NCKAP5: variants seen among roughly 807,000 people sequenced by gnomAD.
The protein encoded by NCKAP5 is NCK associated protein 5.
NCKAP5 carries 92 observed loss-of-function variants against 167.0 expected under a neutral mutation model. That is an observed-to-expected ratio of 0.55 (90% CI 0.47 to 0.66). NCKAP5 has a LOEUF of 0.66. NCKAP5 is among the 30% of genes least tolerant of loss of function. The probability of loss-of-function intolerance (pLI) is 0.00; values close to 1 mark genes in which losing one functional copy is unlikely to be tolerated. For missense variants in NCKAP5, 2,378 were observed against 2,315.0 expected (o/e 1.03, Z -0.56); for synonymous variants, 891 against 877.4 (o/e 1.02, Z -0.27).
intron 4 of NCKAP5, among the ~76,000 whole-genome samples, chr2:133,262,805 A>G (rs1375364876): frequency 6.6e-6 from 1 of 152,196 alleles, no homozygotes; most frequent in Non-Finnish European, 1.5e-5. Flanking sequence ...AGTTCCACAT[A>G]AAAAGCAGGA....
chr2:133,150,446 AC>A (rs1003555116), intron 5 of NCKAP5, among the ~76,000 whole-genome samples: 2 of 152,052 alleles, frequency 1.3e-5, no homozygotes, highest in African/African-American at 4.8e-5. Context: ...AGTGTTCTTT[AC>A]CTCCAGGATT....
chr2:133,009,369 C>T (rs943891461), intron 6 of NCKAP5, among the ~76,000 whole-genome samples: 1 of 152,074 alleles, frequency 6.6e-6, no homozygotes, highest in Non-Finnish European at 1.5e-5. Context: ...CCACATCGCA[C>T]AGTTGGTTAA....
chr2:133,478,527 G>A (rs112024160), intron 3 of NCKAP5, among the ~76,000 whole-genome samples: 3 of 152,090 alleles, frequency 2.0e-5, no homozygotes, highest in Non-Finnish European at 2.9e-5. Flanking sequence ...CTGACACCTC[G>A]ATAGGCAGGG....
At chr2:133,024,959 A>G (rs2078645853) in intron 6 of NCKAP5, among the ~76,000 whole-genome samples, 1 of 152,238 alleles carries the variant, frequency 6.6e-6, no homozygotes, top group Admixed American at 6.5e-5. Flanking sequence ...TATAGAAAAT[A>G]TGATGATGGA....
At chr2:133,257,084 A>T (rs914737566) in intron 4 of NCKAP5, among the ~76,000 whole-genome samples, 2 of 152,178 alleles carry the variant, frequency 1.3e-5, no homozygotes, top group African/African-American at 4.8e-5. Flanking sequence ...ATCAATACGA[A>T]CTTTTTCAGC....
chr2:133,296,350 C>A (rs1037404474), intron 4 of NCKAP5, among the ~76,000 whole-genome samples: 1 of 152,044 alleles, frequency 6.6e-6, no homozygotes, highest in African/African-American at 2.4e-5. Flanking sequence ...TCCCCACCCC[C>A]ACCGCCAAAC....
chr2:133,511,398 G>A (rs932542301), intron 3 of NCKAP5, among the ~76,000 whole-genome samples: 8 of 152,144 alleles, frequency 5.3e-5, no homozygotes, highest in Non-Finnish European at 8.8e-5. Context: ...TGGAGAACAG[G>A]TGGGCAGGGC....
chr2:132,979,929 G>C (rs1369559250), intron 7 of NCKAP5, among the ~76,000 whole-genome samples: 1 of 151,716 alleles, frequency 6.6e-6, no homozygotes, highest in Non-Finnish European at 1.5e-5. Context: ...CTTTCACATA[G>C]TGAGCAAGAA....
chr2:133,254,178 T>C (rs1238369770), intron 4 of NCKAP5, among the ~76,000 whole-genome samples: 1 of 152,164 alleles, frequency 6.6e-6, no homozygotes, highest in Admixed American at 6.5e-5. Flanking sequence ...CATGCTGTGA[T>C]CTATAGAACA....
intron 17 of NCKAP5, among the ~76,000 whole-genome samples, chr2:132,730,393 G>A (rs1558980984): frequency 6.6e-6 from 1 of 152,196 alleles, no homozygotes; most frequent in African/African-American, 2.4e-5. Context: ...TACTCAGGAG[G>A]CTGAGGCAAG....
intron 5 of NCKAP5, among the ~76,000 whole-genome samples, chr2:133,199,119 TG>T (rs544889802): frequency 1.6e-3 from 242 of 152,064 alleles, no homozygotes; most frequent in Non-Finnish European, 2.2e-3. Context: ...CAACAGATCA[TG>T]GACCTAAAAC....
At chr2:133,157,241 T>C (rs1366506619) in intron 5 of NCKAP5, among the ~76,000 whole-genome samples, 1 of 152,190 alleles carries the variant, frequency 6.6e-6, no homozygotes, top group Non-Finnish European at 1.5e-5. Flanking sequence ...CATCAAATGG[T>C]GGTCTACTTT....
intron 2 of NCKAP5, among the ~76,000 whole-genome samples, chr2:133,555,222 T>C (rs1271618050): frequency 6.6e-6 from 1 of 152,178 alleles, no homozygotes; most frequent in Non-Finnish European, 1.5e-5. Context: ...CCGACTAACA[T>C]ATTATCTCTT....
Position 132,777,852 on chromosome 2 carries a change from A to AT in NCKAP5, c.5049+3199dup, listed in dbSNP as rs200347561. Among the ~76,000 whole-genome samples the AT allele has an allele frequency of 1.6e-4, 24 of 149,520 alleles. No homozygotes were observed. The South Asian group carries it at 1.7e-3, about 11-fold the overall frequency. On this transcript the variant is annotated intron_variant, in intron 15 of 19. Transcript: ENST00000409261. ...TGATGCTTTTTTATTAGCAGACATG[A>AT]TTTTTTTTTTAGACTATGTGACACT...
chr2:132,862,048 A>C (rs1157569678), intron 10 of NCKAP5, among the ~76,000 whole-genome samples: 2 of 152,196 alleles, frequency 1.3e-5, no homozygotes, highest in Non-Finnish European at 2.9e-5. Flanking sequence ...CAACACTTCT[A>C]CTTCAAAGAT....
the NCKAP5 span, among the ~76,000 whole-genome samples, chr2:133,658,449 A>C: frequency 6.6e-6 from 1 of 152,128 alleles, no homozygotes; most frequent in South Asian, 2.1e-4. Context: ...TTTGGCTCTG[A>C]CTCATCCATA....
intron 3 of NCKAP5, among the ~76,000 whole-genome samples, chr2:133,380,383 C>T (rs999465135): frequency 7.2e-5 from 11 of 151,974 alleles, no homozygotes; most frequent in Admixed American, 2.6e-4. Context: ...TAACTAACTA[C>T]ATTTGTGGTA....
At chr2:133,226,937 A>G (rs933839987) in intron 4 of NCKAP5, among the ~76,000 whole-genome samples, 8 of 152,128 alleles carry the variant, frequency 5.3e-5, no homozygotes, top group Non-Finnish European at 1.0e-4. Context: ...TACATAATCC[A>G]TCTCTATACA....
intron 8 of NCKAP5, among the ~76,000 whole-genome samples, chr2:132,918,562 C>A (rs1256616288): frequency 1.3e-5 from 2 of 152,056 alleles, no homozygotes; most frequent in Non-Finnish European, 2.9e-5. Flanking sequence ...TAAAATATAA[C>A]ACTAATGATT....
Sources: gnomAD v4.1 joint callset for allele counts (sites outside exome capture counted in the v4.1 genomes callset) on GRCh38, gnomAD v4.1.1 for gene constraint, MANE v1.5 for transcripts, NCBI Gene and HGNC (gene_info 2026-07-23, HGNC 2026-07-21) for gene names.